CDCA3: variants seen among roughly 807,000 people sequenced by gnomAD.
CDCA3 encodes cell division cycle-associated protein 3.
Under a neutral mutation model 29.1 loss-of-function variants are expected in CDCA3, and 16 were observed. The observed-to-expected ratio is 0.55, with a 90% CI of 0.37 to 0.83. The LOEUF (loss-of-function observed/expected upper bound fraction) is 0.83. Among genes scored for constraint, CDCA3 ranks in the 40% least tolerant of loss-of-function variants. The pLI, the probability that CDCA3 is intolerant of heterozygous loss-of-function variation, is 0.00. For synonymous variants in CDCA3, 88 were observed against 124.5 expected, an observed-to-expected ratio of 0.71 and a Z score of 1.95; for missense variants, 291 against 327.2, an observed-to-expected ratio of 0.89 and a Z score of 0.85.
At chr12:6,846,024 T>C, downstream of CDCA3, 1 of 555,032 alleles carries the variant, frequency 1.8e-6, no homozygotes, top group South Asian at 2.2e-5. Flanking sequence ...CCCAATGCCA[T>C]GACTGCTCCC....
downstream of CDCA3, chr12:6,846,263 A>C (rs1254307156): frequency 5.2e-5 from 9 of 174,702 alleles, no homozygotes; most frequent in Non-Finnish European, 4.9e-5. Flanking sequence ...CCAGGTGCTG[A>C]TGAAAATAAC....
downstream of CDCA3, chr12:6,845,193 G>T: frequency 5.7e-6 from 1 of 176,452 alleles, no homozygotes; most frequent in Non-Finnish European, 1.2e-5. Flanking sequence ...TCTGACATTT[G>T]CTCGCCGTGA....
In CDCA3 at chr12:6,848,840, G is replaced by T. The variant is rs1425156723; in HGVS notation, c.*203C>A. On this transcript the variant is annotated 3_prime_UTR_variant, in exon 6 of 6. Coordinates refer to ENST00000538862, the MANE Select transcript of CDCA3 (RefSeq NM_031299.7). ...CAAGGTTTACATATACCTTTTTAAAGTAACATTTAAAATTACTTCCTTTAA... is the reference window on the plus strand; with the variant it reads ...CAAGGTTTACATATACCTTTTTAAATTAACATTTAAAATTACTTCCTTTAA... 2 of 574,608 alleles carry T rather than the reference G, an allele frequency of 3.5e-6. No individual in the cohort carries two copies. The highest frequency in any genetic ancestry group is 5.8e-5 in the East Asian group (2 of 34,510). 35.6% of individuals were successfully genotyped at this position (574,608 alleles called of 1,614,324 possible). A position where few individuals can be genotyped will look rare whatever the true frequency, so the allele number is the denominator to read the frequency against.
At chr12:6,846,724 C>A (rs567113058), downstream of CDCA3, 4 of 834,810 alleles carry the variant, frequency 4.8e-6, no homozygotes, top group South Asian at 1.5e-5. Flanking sequence ...CATACACTTA[C>A]ACGCATGCAC....
chr12:6,849,950 G>C lies in CDCA3; in HGVS notation c.251-92C>G, dbSNP rs1160218110. On this transcript the variant is annotated intron_variant, in intron 3 of 5. Transcript: ENST00000538862. This position sits in a 1 kb window ranked among gnomAD's most constrained non-coding sequence, Gnocchi z 5.2. ...ACAGAAACCCAGGACTCATGCCCAG[G>C]AGGGTGAGCAAGTGGGAAGAGAGAA... is the stretch of plus-strand genomic sequence containing the variant. 1.7e-6 allele frequency: 2 copies of C among 1,184,174 alleles called. No individual in the cohort carries two copies. Among genetic ancestry groups the C allele is most frequent in the Non-Finnish European group, 2.3e-6 (2 of 868,374 alleles). 73.4% of individuals were successfully genotyped at this position (1,184,174 alleles called of 1,614,324 possible). A position where few individuals can be genotyped will look rare whatever the true frequency, so the allele number is the denominator to read the frequency against.
At chr12:6,846,833 G>A, downstream of CDCA3, 1 of 1,602,564 alleles carries the variant, frequency 6.2e-7, no homozygotes, top group Non-Finnish European at 8.5e-7. Flanking sequence ...CTGCCTGGGA[G>A]TCACAGCTGA....
In CDCA3 at chr12:6,848,940, C is replaced by CT. The variant is rs539746123; in HGVS notation, c.*102dup. ...CCCAGTTTGGTAGCTGAGGAGGAGTCTAAGAAAACAAGCCATTCCTCAGTA... is the reference window on the plus strand; with the variant it reads ...CCCAGTTTGGTAGCTGAGGAGGAGTCTTAAGAAAACAAGCCATTCCTCAGTA... On this transcript the variant is annotated 3_prime_UTR_variant, in exon 6 of 6. Transcript: ENST00000538862. 1.1e-3 allele frequency: 731 copies of CT among 641,452 alleles called. 10 individuals carry two copies. The African/African-American group carries it at 0.013, about 11-fold the overall frequency. 39.7% of individuals were successfully genotyped at this position (641,452 alleles called of 1,614,324 possible).
Position 6,850,535 on chromosome 12 carries a change from G to C in CDCA3, c.182C>G (p.Ala61Gly), listed in dbSNP as rs1943833987. 6.2e-7 allele frequency: 1 copy of C among 1,614,098 alleles called. No individual in the cohort carries two copies. Among genetic ancestry groups the C allele is most frequent in the Non-Finnish European group, 8.5e-7 (1 of 1,179,996 alleles). The change falls in exon 3 of 6, where the codon GCC (alanine) becomes GGC (glycine). Residue 61 changes from alanine to glycine, a missense_variant. Transcript: ENST00000538862. This position sits in a 1 kb window ranked among gnomAD's most constrained non-coding sequence, Gnocchi z 4.7. Reference sequence around the variant, plus strand: ...AGGAGAGCGGGGATCTGAGTCCTGGGCATGTTTAAGACCCTCCAGTTGCTC... The same window carrying C: ...AGGAGAGCGGGGATCTGAGTCCTGGCCATGTTTAAGACCCTCCAGTTGCTC... ...AGEQLEGLKH[A>G]QDSDPRSPTL...
In CDCA3 at chr12:6,849,778, C is replaced by A. The variant is rs782433124; in HGVS notation, c.331G>T (p.Val111Phe). The A allele has an allele frequency of 2.5e-6, 4 of 1,603,238 alleles. No individual in the cohort carries two copies. The highest frequency in any genetic ancestry group is 3.4e-6 in the Non-Finnish European group (4 of 1,173,084). ...GATAAAGGTGCCTCTGGGGGCAGAA[C>A]AGGCTCTGGGGGAAGATTTGATTTA... ...DSKSNLPPEP[V>F]LPPEAPLSSE... is the part of the protein sequence containing the mutation. Residue 111 changes from valine (V) to phenylalanine (F), a missense_variant, in exon 4 of 6, where the codon GTT becomes TTT. Transcript: ENST00000538862. The surrounding 1 kb of genome is among the most constrained non-coding windows in gnomAD (Gnocchi z 5.2).
Position 6,850,283 on chromosome 12 carries a change from G to A in CDCA3, c.250+184C>T, listed in dbSNP as rs782377381. The stretch of plus-strand genomic sequence containing the variant: ...TCTGACCACCCCGGCCTTCCAACGT[G>A]CTGGGATTACAGGCATGAGCCACCG... On this transcript the variant is annotated intron_variant, in intron 3 of 5. Coordinates refer to ENST00000538862, the MANE Select transcript of CDCA3 (RefSeq NM_031299.7). This position sits in a 1 kb window ranked among gnomAD's most constrained non-coding sequence, Gnocchi z 4.7. The A allele has an allele frequency of 2.6e-6, 2 of 764,598 alleles. No individual in the cohort carries two copies. Among genetic ancestry groups the A allele is most frequent in the East Asian group, 2.7e-5 (1 of 37,218 alleles). The allele number at this position is 764,598 out of a possible 1,614,324, so 47.4% of individuals were successfully genotyped here.
Position 6,849,987 on chromosome 12 carries a change from C to T in CDCA3, c.251-129G>A. 2 of 883,900 alleles carry T rather than the reference C, an allele frequency of 2.3e-6. No individual in the cohort carries two copies. Among genetic ancestry groups the T allele is most frequent in the Non-Finnish European group, 3.3e-6 (2 of 614,122 alleles). The allele number at this position is 883,900 out of a possible 1,614,324, so 54.8% of individuals were successfully genotyped here. A position where few individuals can be genotyped will look rare whatever the true frequency, so the allele number is the denominator to read the frequency against. ...GTGGGAAGAGAGAAATCAAGGAAAT[C>T]AAGGTGAAAGGGAGCAATTTTTTTT... On this transcript the variant is annotated intron_variant, in intron 3 of 5. Transcript: ENST00000538862. This position sits in a 1 kb window ranked among gnomAD's most constrained non-coding sequence, Gnocchi z 5.2.
At chr12:6,845,600 A>G (rs1555124456), downstream of CDCA3, 2 of 1,610,662 alleles carry the variant, frequency 1.2e-6, no homozygotes, top group Non-Finnish European at 1.7e-6. Context: ...TCCCCAATGG[A>G]GAGGCCATCT....
chr12:6,845,376 A>G, downstream of CDCA3: 1 of 579,188 alleles, frequency 1.7e-6, no homozygotes, highest in South Asian at 2.1e-5. Flanking sequence ...GCAGCGCTGT[A>G]TAGTGCAGAG....
chr12:6,850,160 T>TG lies in CDCA3; in HGVS notation c.251-303_251-302insC, dbSNP rs1943807109. The stretch of plus-strand genomic sequence containing the variant: ...GATCACAGGCCCATGCCACCGTGCT[T>TG]TTGTGTGTGTGTGTGTGTGTTATGT... On this transcript the variant is annotated intron_variant, in intron 3 of 5. Coordinates refer to ENST00000538862, the MANE Select transcript of CDCA3 (RefSeq NM_031299.7). This position sits in a 1 kb window ranked among gnomAD's most constrained non-coding sequence, Gnocchi z 4.7. 4.2e-6 allele frequency: 2 copies of TG among 476,328 alleles called. No individual in the cohort carries two copies. Among genetic ancestry groups the TG allele is most frequent in the African/African-American group, 2.3e-5 (1 of 43,178 alleles). The allele number at this position is 476,328 out of a possible 1,614,324, so 29.5% of individuals were successfully genotyped here.
At position 6,849,151 on chromosome 12, in the gene CDCA3, T is replaced by G; in HGVS notation, c.699A>C (p.Glu233Asp). The G allele has an allele frequency of 1.9e-6, 3 of 1,613,540 alleles. No homozygotes were observed. ...GTCGTCCAGTTCCAAGAATGGCTCC[T>G]TCCTTTAGTTCACTAACATTTTCAC... ...PLSENVSELKEGAILGTGRLL... is the reference protein window; with the variant it reads ...PLSENVSELKDGAILGTGRLL... The change falls in exon 6 of 6, where the codon GAA (glutamate) becomes GAC (aspartate). Residue 233 changes from glutamate (E) to aspartate (D), a missense_variant. Transcript: ENST00000538862. This position sits in a 1 kb window ranked among gnomAD's most constrained non-coding sequence, Gnocchi z 5.2.
At chr12:6,846,582 G>A (rs782571202), downstream of CDCA3, 5 of 458,344 alleles carry the variant, frequency 1.1e-5, no homozygotes, top group Admixed American at 1.1e-4. Context: ...CCAGTCTACC[G>A]AGTCTAGGAT....
intron 1 of CDCA3, 95 bp from the exon 2 acceptor site, chr12:6,851,104 T>G: frequency 7.0e-7 from 1 of 1,420,110 alleles, no homozygotes; most frequent in South Asian, 1.5e-5. Flanking sequence ...GTGAAGAAAC[T>G]TCCTGGCGAG....
chr12:6,845,625 G>A, downstream of CDCA3: 1 of 1,613,338 alleles, frequency 6.2e-7, no homozygotes, highest in Non-Finnish European at 8.5e-7. Context: ...GGGCTCGGAT[G>A]ACGCTTCCTG....
rs1010523511 is a variant in CDCA3, at chr12:6,850,100, A to G, written c.251-242T>C. On this transcript the variant is annotated intron_variant, in intron 3 of 5. Transcript: ENST00000538862. This position sits in a 1 kb window ranked among gnomAD's most constrained non-coding sequence, Gnocchi z 4.7. ...CTGCAGCCTTGACCTTGTGGGCTCA[A>G]GCAATCCTCCCACTTCAGCCTCCTG... 3 of 511,316 alleles carry G rather than the reference A, an allele frequency of 5.9e-6. No homozygotes were observed. In the South Asian group the frequency reaches 9.1e-5, roughly 16 times the overall value. 31.7% of individuals were successfully genotyped at this position (511,316 alleles called of 1,614,324 possible).
Sources: allele counts gnomAD v4.1 joint callset, GRCh38; gene constraint gnomAD v4.1.1; non-coding constraint Gnocchi (gnomAD v3.1); transcripts MANE v1.5; gene names NCBI Gene and HGNC (gene_info 2026-07-23, HGNC 2026-07-21).